ZNF786: variants seen among roughly 807,000 people sequenced by gnomAD.
ZNF786 encodes the protein zinc finger protein 786.
In ZNF786, 56 loss-of-function variants were observed where a neutral mutation model predicts 63.1. The ratio of observed to expected loss-of-function variants is 0.89; its 90% CI spans 0.72 to 1.11. ZNF786 has a LOEUF of 1.11. Ranked by LOEUF, ZNF786 falls within the 50% of genes least tolerant of loss-of-function variation. The pLI, the probability that ZNF786 is intolerant of heterozygous loss-of-function variation, is 0.00. For synonymous variants in ZNF786, 485 were observed against 406.9 expected (o/e 1.19, Z -2.31); for missense variants, 1,213 against 1,041.8 (o/e 1.16, Z -2.26).
intron 1 of ZNF786, chr7:149,082,555 G>C (rs748288087): frequency 1.5e-5 from 14 of 909,442 alleles, no homozygotes; most frequent in African/African-American, 3.5e-5. Context: ...AATTTTTATG[G>C]GTATTAAAGT....
At position 149,071,744 on chromosome 7, in the gene ZNF786, C is replaced by G; in HGVS notation, c.1028G>C (p.Gly343Ala). ...GTTCCCCTCCTGGGGCAGGCGCGAGCCTGGTTTCTGTCCCGAGTGCACACT... is the reference window on the plus strand; with the variant it reads ...GTTCCCCTCCTGGGGCAGGCGCGAGGCTGGTTTCTGTCCCGAGTGCACACT... ...SSSVHSGQKP[G>A]SRLPQEGNSH... Residue 343 changes from glycine (G) to alanine (A), a missense_variant, in exon 4 of 4, where the codon GGC becomes GCC. Physicochemically the swap from Gly to Ala is moderately conservative, Grantham distance 60 (BLOSUM62 0). Transcript: ENST00000491431. 2 of 1,588,616 alleles carry G rather than the reference C, an allele frequency of 1.3e-6. No individual in the cohort carries two copies. The highest frequency in any genetic ancestry group is 2.2e-5 in the South Asian group (2 of 89,696).
At chr7:149,074,247 C>T in intron 3 of ZNF786, 139 bp downstream of exon 3, 1 of 1,010,108 alleles carries the variant, frequency 9.9e-7, no homozygotes, top group South Asian at 1.7e-5. Context: ...CATTCCTAAC[C>T]ATTATGCTTT....
Position 149,071,566 on chromosome 7 carries a change from G to A in ZNF786, c.1206C>T (p.Cys402=). The A allele has an allele frequency of 6.2e-7, 1 of 1,612,400 alleles. No individual in the cohort carries two copies. The highest frequency in any genetic ancestry group is 8.5e-7 in the Non-Finnish European group (1 of 1,179,698). ...GGCGGCGCAGGCGGAAGCGCTTGGT[G>A]CAATGCGCACACTGGAAGGGCTTTT... ...TGEKPFQCAH[C]TKRFRLRRLL... Residue 402 remains cysteine, a synonymous_variant, in exon 4 of 4, where the codon TGC becomes TGT. Transcript: ENST00000491431.
At chr7:149,072,503 A>T in intron 3 of ZNF786, 30 bp from the exon 4 acceptor site, 1 of 1,533,278 alleles carries the variant, frequency 6.5e-7, no homozygotes, top group Non-Finnish European at 8.7e-7. Flanking sequence ...TTCAGTCGGT[A>T]TTCCTGTCTG....
chr7:149,088,505 G>GT (rs2129516958), intron 1 of ZNF786, among the ~76,000 whole-genome samples: 1 of 152,278 alleles, frequency 6.6e-6, no homozygotes, highest in South Asian at 2.1e-4. Flanking sequence ...TGCATATGCT[G>GT]TATTATTGCA....
Position 149,070,573 on chromosome 7 carries a change from G to C in ZNF786, c.2199C>G (p.Ala733=). The change falls in exon 4 of 4, where the codon GCC becomes GCG. Residue 733 remains alanine, a synonymous_variant. Coordinates refer to ENST00000491431, the MANE Select transcript of ZNF786 (RefSeq NM_152411.4). ...QRIHRPERPF[A]CGDCGKGFIY... Reference sequence around the variant, plus strand: ...TGAAGCCCTTCCCACAATCGCCACAGGCAAAGGGCCTCTCGGGCCTGTGGA... The same window carrying C: ...TGAAGCCCTTCCCACAATCGCCACACGCAAAGGGCCTCTCGGGCCTGTGGA... 12 of 1,614,016 alleles carry C rather than the reference G, an allele frequency of 7.4e-6. No homozygotes were observed. Among genetic ancestry groups the C allele is most frequent in the Non-Finnish European group, 1.0e-5 (12 of 1,179,904 alleles).
At position 149,071,814 on chromosome 7, in the gene ZNF786, G is replaced by A. The variant is rs770031879; in HGVS notation, c.958C>T (p.Arg320Trp). 1 of 1,588,020 alleles carries A rather than the reference G, an allele frequency of 6.3e-7. No individual in the cohort carries two copies. Among genetic ancestry groups the A allele is most frequent in the Non-Finnish European group, 8.5e-7 (1 of 1,172,164 alleles). The change falls in exon 4 of 4, where the codon CGG becomes TGG. Residue 320 changes from arginine to tryptophan, a missense_variant. Arg to Trp is a moderately radical substitution (Grantham distance 101, BLOSUM62 -3). Coordinates refer to ENST00000491431, the MANE Select transcript of ZNF786 (RefSeq NM_152411.4). ...STQARRCQHSREGPASWREGR... is the reference protein window; with the variant it reads ...STQARRCQHSWEGPASWREGR... ...TCTCTCCAAGAGGCCGGCCCCTCCC[G>A]GCTGTGCTGGCACCGGCGAGCCTGC...
In ZNF786 at chr7:149,073,907, C is replaced by G. The variant is rs150172665; in HGVS notation, c.298+479G>C. Among the ~76,000 whole-genome samples the G allele has an allele frequency of 4.8e-4, 72 of 151,006 alleles. 1 individual carries two copies. The highest frequency in any genetic ancestry group is 3.4e-3 in the Middle Eastern group (1 of 292). Reference sequence around the variant, plus strand: ...CCAGGTTCAAGCAATTCTTCTCCCTCAGCCTCCTGAGTAGCTGGGATTACA... The same window carrying G: ...CCAGGTTCAAGCAATTCTTCTCCCTGAGCCTCCTGAGTAGCTGGGATTACA... On this transcript the variant is annotated intron_variant, in intron 3 of 3. Coordinates refer to ENST00000491431, the MANE Select transcript of ZNF786 (RefSeq NM_152411.4).
chr7:149,088,144 A>G (rs937579835), intron 1 of ZNF786, among the ~76,000 whole-genome samples: 6 of 152,108 alleles, frequency 3.9e-5, no homozygotes, highest in African/African-American at 1.4e-4. Context: ...CTGGGATTAC[A>G]GGTGCCCGCC....
chr7:149,079,073 T>C lies in ZNF786; in HGVS notation c.145+1518A>G, dbSNP rs184008951. Among the ~76,000 whole-genome samples, 3 of 152,180 alleles carry C rather than the reference T, an allele frequency of 2.0e-5. No individual in the cohort carries two copies. In the East Asian group the frequency reaches 5.8e-4, roughly 29 times the overall value. On this transcript the variant is annotated intron_variant, in intron 2 of 3. Transcript: ENST00000491431. ...ACTTTAAAAACTAAAACAAAAATGG[T>C]TAAAAGTGGTTGCCCTCACGTGGTT...
intron 1 of ZNF786, among the ~76,000 whole-genome samples, chr7:149,088,294 C>G (rs527587480): frequency 9.9e-5 from 15 of 152,048 alleles, no homozygotes; most frequent in Non-Finnish European, 1.9e-4. Context: ...TGAGCCACCA[C>G]GCCTGGCCTG....
intron 1 of ZNF786, 56 bp downstream of exon 1, chr7:149,090,567 C>A (rs1825814339): frequency 1.3e-6 from 2 of 1,528,682 alleles, no homozygotes; most frequent in African/African-American, 1.4e-5. Flanking sequence ...GAGCCCGGAA[C>A]CCGAGGACCC....
In ZNF786 at chr7:149,071,049, T is replaced by G. The variant is rs1006224181; in HGVS notation, c.1723A>C (p.Thr575Pro). 6 of 1,611,818 alleles carry G rather than the reference T, an allele frequency of 3.7e-6. No homozygotes were observed. The highest frequency in any genetic ancestry group is 5.1e-6 in the Non-Finnish European group (6 of 1,179,620). The change falls in exon 4 of 4, where the codon ACC (threonine) becomes CCC (proline). Residue 575 changes from threonine to proline, a missense_variant. Transcript: ENST00000491431. ...FSCGECGKGFTRQSKLTEHLR... is the reference protein window; with the variant it reads ...FSCGECGKGFPRQSKLTEHLR... ...TGCTCCGTGAGCTTGGATTGTCTGGTGAAGCCCTTGCCACACTCCCCGCAC... is the reference window on the plus strand; with the variant it reads ...TGCTCCGTGAGCTTGGATTGTCTGGGGAAGCCCTTGCCACACTCCCCGCAC...
In ZNF786 at chr7:149,070,488, T is replaced by C. The variant is rs748235834; in HGVS notation, c.2284A>G (p.Asn762Asp). Residue 762 changes from asparagine (N) to aspartate (D), a missense_variant, in exon 4 of 4, where the codon AAT becomes GAT. Asn to Asp is a conservative substitution (Grantham distance 23, BLOSUM62 1). Coordinates refer to ENST00000491431, the MANE Select transcript of ZNF786 (RefSeq NM_152411.4). ...RVHTKSCPAP[N>D]ELDIKKRLSQ... is the part of the protein sequence containing the mutation. ...AGCCTTTTCTTAATGTCCAGTTCAT[T>C]TGGAGCAGGACAGGATTTTGTGTGT... The C allele has an allele frequency of 2.9e-5, 46 of 1,613,942 alleles. No individual in the cohort carries two copies. The highest frequency in any genetic ancestry group is 3.6e-5 in the Non-Finnish European group (43 of 1,179,918).
intron 1 of ZNF786, among the ~76,000 whole-genome samples, chr7:149,086,961 G>A (rs1419688009): frequency 6.6e-6 from 1 of 151,780 alleles, no homozygotes; most frequent in Non-Finnish European, 1.5e-5. Flanking sequence ...TTCTGTCTTG[G>A]CCTCCCAAGC....
Position 149,072,066 on chromosome 7 carries a change from C to T in ZNF786, c.706G>A (p.Val236Ile), listed in dbSNP as rs565581938. Residue 236 changes from valine (V) to isoleucine (I), a missense_variant, in exon 4 of 4, where the codon GTA (valine) becomes ATA (isoleucine). By Grantham distance (29) the Val-to-Ile change is conservative (BLOSUM62 3). Coordinates refer to ENST00000491431, the MANE Select transcript of ZNF786 (RefSeq NM_152411.4). ...ACGCCACACCGGAAGTGCCTCTGTA[C>T]CCGAGGGCTGCTCCACGGCATCTGC... ...ETQMPWSSPR[V>I]QRHFRCGVCG... 6.2e-7 allele frequency: 1 copy of T among 1,613,272 alleles called. No homozygotes were observed. The highest frequency in any genetic ancestry group is 1.1e-5 in the South Asian group (1 of 91,008).
Position 149,071,077 on chromosome 7 carries a change from G to A in ZNF786, c.1695C>T (p.Phe565=), listed in dbSNP as rs1292928956. The change falls in exon 4 of 4, where the codon TTC becomes TTT. Residue 565 remains phenylalanine (F), a synonymous_variant. Coordinates refer to ENST00000491431, the MANE Select transcript of ZNF786 (RefSeq NM_152411.4). ...AGCCCTTGCCACACTCCCCGCACGA[G>A]AACGGCCTCTCCTTGCTGTGCGTGT... is the stretch of plus-strand genomic sequence containing the variant. The part of the protein sequence containing the change: ...HQHTHSKERP[F]SCGECGKGFT... 15 of 1,612,208 alleles carry A rather than the reference G, an allele frequency of 9.3e-6. No individual in the cohort carries two copies. The highest frequency in any genetic ancestry group is 1.0e-5 in the Non-Finnish European group (12 of 1,179,572).
At chr7:149,074,823 A>G (rs1825513710) in intron 2 of ZNF786, among the ~76,000 whole-genome samples, 2 of 151,222 alleles carry the variant, frequency 1.3e-5, no homozygotes. Flanking sequence ...TGCTATATAT[A>G]TATATATATT....
chr7:149,070,222 A>AG lies in ZNF786; in HGVS notation c.*200_*201insC, dbSNP rs1335131079. On this transcript the variant is annotated 3_prime_UTR_variant, in exon 4 of 4. Coordinates refer to ENST00000491431, the MANE Select transcript of ZNF786 (RefSeq NM_152411.4). ...CAAAACTCCATCTTGGAAAAAAAAA[A>AG]AAAAAAGAAAGAAATATAATTGGTG... The AG allele has an allele frequency of 7.4e-6, 5 of 673,514 alleles. No individual in the cohort carries two copies. The highest frequency in any genetic ancestry group is 1.1e-5 in the Non-Finnish European group (5 of 435,620). The allele number at this position is 673,514 out of a possible 1,614,324, so 41.7% of individuals were successfully genotyped here. A position where few individuals can be genotyped will look rare whatever the true frequency, so the allele number is the denominator to read the frequency against.
Sources: allele counts gnomAD v4.1 joint callset (sites outside exome capture counted in the v4.1 genomes callset), GRCh38; gene constraint gnomAD v4.1.1; transcripts MANE v1.5; gene names NCBI Gene and HGNC (gene_info 2026-07-23, HGNC 2026-07-21).